Variants in CDS2 observed in about 807,000 individuals in gnomAD.
CDS2 encodes the protein CDP-diacylglycerol synthase 2.
CDS2 carries 47 observed loss-of-function variants against 59.0 expected under a neutral mutation model. The ratio of observed to expected loss-of-function variants is 0.80; its 90% CI spans 0.63 to 1.02. The LOEUF (loss-of-function observed/expected upper bound fraction) is 1.02. CDS2 is among the 50% of genes least tolerant of loss of function. The probability of loss-of-function intolerance (pLI) is 0.00; values close to 1 mark genes in which losing one functional copy is unlikely to be tolerated. For synonymous variants in CDS2, 207 were observed against 206.4 expected (o/e 1.00, Z -0.02); for missense variants, 356 against 558.9 (o/e 0.64, Z 3.66).
chr20:5,186,574 G>A (rs2091069452), intron 9 of CDS2, 113 bp from the exon 10 acceptor site: 1 of 918,100 alleles, frequency 1.1e-6, no homozygotes, highest in Admixed American at 2.1e-5. Flanking sequence ...CACATAGCTC[G>A]CAGTTAGCAG....
At chr20:5,153,386 C>T (rs1022607554) in intron 1 of CDS2, among the ~76,000 whole-genome samples, 4 of 152,196 alleles carry the variant, frequency 2.6e-5, no homozygotes, top group African/African-American at 9.7e-5. Flanking sequence ...CCCAGGGAAG[C>T]GTCTCTCCTG....
Position 5,136,366 on chromosome 20 carries a change from C to T in CDS2, c.57+9217C>T, listed in dbSNP as rs137910627. ...TTGAAATCTCCTATTCCTTTGTTCCCGTGCCCAGGGCAGGATGCAGATTCT... is the reference window on the plus strand; with the variant it reads ...TTGAAATCTCCTATTCCTTTGTTCCTGTGCCCAGGGCAGGATGCAGATTCT... On this transcript the variant is annotated intron_variant, in intron 1 of 12. Transcript: ENST00000460006. Among the ~76,000 whole-genome samples, 216 of 152,310 alleles carry T rather than the reference C, an allele frequency of 1.4e-3. 2 individuals carry two copies. Among genetic ancestry groups the T allele is most frequent in the African/African-American group, 4.7e-3 (197 of 41,566 alleles).
chr20:5,155,099 A>T (rs2090823118), intron 1 of CDS2, among the ~76,000 whole-genome samples: 1 of 152,190 alleles, frequency 6.6e-6, no homozygotes, highest in South Asian at 2.1e-4. Context: ...CCCTGGCAGC[A>T]CCTTTGCTGC....
At chr20:5,139,799 CTTTT>C (rs141846083) in intron 1 of CDS2, among the ~76,000 whole-genome samples, 1,726 of 135,102 alleles carry the variant, frequency 0.013, 41 homozygotes, top group African/African-American at 0.043. Flanking sequence ...TTTCAGCATC[CTTTT>C]TTTTTTTTTT....
intron 1 of CDS2, among the ~76,000 whole-genome samples, chr20:5,144,390 C>A (rs1374239121): frequency 6.6e-6 from 1 of 152,028 alleles, no homozygotes; most frequent in Admixed American, 6.6e-5. Flanking sequence ...ATTATATGGC[C>A]CCCCTAGTAA....
At position 5,169,195 on chromosome 20, in the gene CDS2, G is replaced by T. The variant is rs541496270; in HGVS notation, c.58-4328G>T. On this transcript the variant is annotated intron_variant, in intron 1 of 12. Coordinates refer to ENST00000460006, the MANE Select transcript of CDS2 (RefSeq NM_003818.4). ...GGTGGTTGAGAGAGAACCTGAGAGG[G>T]TCTGCCCCACCTGGCCTCTGTTCCC... Among the ~76,000 whole-genome samples, 21 of 152,350 alleles carry T rather than the reference G, an allele frequency of 1.4e-4. 1 individual carries two copies. The highest frequency in any genetic ancestry group is 5.0e-4 in the African/African-American group (21 of 41,592).
chr20:5,133,712 A>G (rs1481739168), intron 1 of CDS2, among the ~76,000 whole-genome samples: 1 of 152,028 alleles, frequency 6.6e-6, no homozygotes, highest in Non-Finnish European at 1.5e-5. Flanking sequence ...TTTAGTAGAG[A>G]TGGGGTTTCT....
At chr20:5,190,034 C>A in intron 12 of CDS2, 68 bp from the exon 13 acceptor site, 1 of 1,581,074 alleles carries the variant, frequency 6.3e-7, no homozygotes, top group Non-Finnish European at 8.6e-7. Flanking sequence ...AGAGCAGCCA[C>A]TCAGATAATC....
chr20:5,182,283 G>C, intron 5 of CDS2, 104 bp from the exon 6 acceptor site: 1 of 930,444 alleles, frequency 1.1e-6, no homozygotes, highest in Non-Finnish European at 1.6e-6. Context: ...CTGGTTAGCT[G>C]CTGGGAATAA....
intron 1 of CDS2, among the ~76,000 whole-genome samples, chr20:5,157,866 C>A (rs4815767): frequency 0.47 from 70,838 of 151,846 alleles, 16,900 homozygotes; most frequent in South Asian, 0.62. Flanking sequence ...TGCAGACCAC[C>A]GTAGGCCAAG....
At chr20:5,185,615 A>G (rs768164604) in intron 8 of CDS2, 143 bp from the exon 9 acceptor site, 43 of 662,752 alleles carry the variant, frequency 6.5e-5, no homozygotes, top group Non-Finnish European at 9.5e-5. Context: ...GGAACAAGGA[A>G]ACCATATTTG....
intron 1 of CDS2, among the ~76,000 whole-genome samples, chr20:5,135,016 AT>A (rs2090637433): frequency 6.6e-6 from 1 of 152,210 alleles, no homozygotes; most frequent in South Asian, 2.1e-4. Context: ...ACTGCCAGAA[AT>A]TATATAATCT....
chr20:5,166,623 T>G (rs961048508), intron 1 of CDS2, among the ~76,000 whole-genome samples: 10 of 152,080 alleles, frequency 6.6e-5, no homozygotes, highest in African/African-American at 2.4e-4. Context: ...GAAGGTCAGC[T>G]AAAGATGCCT....
At chr20:5,187,610 G>T (rs1246408066) in intron 10 of CDS2, 5 of 152,198 alleles carry the variant, frequency 3.3e-5, no homozygotes, top group Non-Finnish European at 7.3e-5. Flanking sequence ...GCTAGGCACA[G>T]TGGCTCACAC....
At chr20:5,129,588 G>A (rs1394389342) in intron 1 of CDS2, among the ~76,000 whole-genome samples, 4 of 151,984 alleles carry the variant, frequency 2.6e-5, no homozygotes, top group East Asian at 3.9e-4. Context: ...GACTGCAGGC[G>A]TGTGCTACCA....
chr20:5,148,607 T>A (rs545792314), intron 1 of CDS2, among the ~76,000 whole-genome samples: 79 of 152,314 alleles, frequency 5.2e-4, no homozygotes, highest in Non-Finnish European at 9.0e-4. Flanking sequence ...GTTTATGGTG[T>A]CCCATAAATC....
chr20:5,160,660 G>A (rs945468045), intron 1 of CDS2, among the ~76,000 whole-genome samples: 14 of 152,080 alleles, frequency 9.2e-5, no homozygotes, highest in Admixed American at 6.6e-4. Flanking sequence ...AAACATTCCA[G>A]AATATTTTCA....
intron 1 of CDS2, 57 bp downstream of exon 1, chr20:5,127,206 CG>C (rs1048678379): frequency 1.4e-6 from 2 of 1,380,612 alleles, no homozygotes; most frequent in African/African-American, 1.5e-5. Flanking sequence ...GGGAGGCCTG[CG>C]GGGGACGCGC....
At chr20:5,174,924 G>T (rs1341038083) in intron 2 of CDS2, among the ~76,000 whole-genome samples, 1 of 152,036 alleles carries the variant, frequency 6.6e-6, no homozygotes, top group East Asian at 1.9e-4. Context: ...TGGTTTTTTT[G>T]TTTGTTTGTG....
Sources: allele counts gnomAD v4.1 joint callset (sites outside exome capture counted in the v4.1 genomes callset), GRCh38; gene constraint gnomAD v4.1.1; transcripts MANE v1.5; gene names NCBI Gene and HGNC (gene_info 2026-07-23, HGNC 2026-07-21).